Variants in AKR1E2 observed in about 807,000 individuals in gnomAD.
AKR1E2 encodes the protein aldo-keto reductase family 1 member E2.
AKR1E2 carries 43 observed loss-of-function variants against 41.9 expected under a neutral mutation model. The ratio of observed to expected loss-of-function variants is 1.03; its 90% CI spans 0.80 to 1.32. The LOEUF is 1.32. Ranked by LOEUF, AKR1E2 falls within the 40% of genes most tolerant of loss-of-function variation. The pLI is 0.00. For synonymous variants in AKR1E2, 121 were observed against 138.9 expected, an observed-to-expected ratio of 0.87 and a Z score of 0.91; for missense variants, 423 against 396.5, an observed-to-expected ratio of 1.07 and a Z score of -0.57.
rs542565854 is a variant in AKR1E2 at position 4,839,525 on chromosome 10, A to G, written c.583-204A>G. On this transcript the variant is annotated intron_variant, in intron 5 of 9. Coordinates refer to ENST00000298375, the MANE Select transcript of AKR1E2 (RefSeq NM_001040177.3). ...CATTCAGATGATGTAGGTGTCCCCA[A>G]GGCCGTGGACTCAGAGACCATGACA... Among the ~76,000 whole-genome samples the G allele has an allele frequency of 6.6e-5, 10 of 152,332 alleles. No homozygotes were observed. In the East Asian group the frequency reaches 1.7e-3, roughly 27 times the overall value.
the AKR1E2 span, among the ~76,000 whole-genome samples, chr10:4,869,386 C>T: frequency 6.6e-5 from 10 of 152,142 alleles, no homozygotes; most frequent in South Asian, 2.1e-3. Context: ...CTGTTGCATT[C>T]CTTATGTTGG....
At chr10:4,861,364 G>GTCT in the AKR1E2 span, among the ~76,000 whole-genome samples, 1 of 151,986 alleles carries the variant, frequency 6.6e-6, no homozygotes, top group Non-Finnish European at 1.5e-5. Flanking sequence ...TGTGCAATAT[G>GTCT]TCTTCTTCTT....
At chr10:4,862,172 A>G in the AKR1E2 span, among the ~76,000 whole-genome samples, 2 of 152,262 alleles carry the variant, frequency 1.3e-5, no homozygotes, top group African/African-American at 4.8e-5. Context: ...TCCCAGCACC[A>G]TTTGTTGAAT....
the AKR1E2 span, among the ~76,000 whole-genome samples, chr10:4,868,369 T>C: frequency 6.6e-6 from 1 of 152,236 alleles, no homozygotes; most frequent in Non-Finnish European, 1.5e-5. Context: ...CTCCTTTAGT[T>C]GCTCTGGTCA....
chr10:4,857,945 C>T, the AKR1E2 span, among the ~76,000 whole-genome samples: 1 of 151,916 alleles, frequency 6.6e-6, no homozygotes, highest in Non-Finnish European at 1.5e-5. Context: ...CTCATTGTTT[C>T]ATTGTTGTTT....
rs368223677 is a variant in AKR1E2, at chr10:4,842,464, C to G, written c.797C>G (p.Pro266Arg). The G allele has an allele frequency of 1.6e-5, 26 of 1,613,998 alleles. No individual in the cohort carries two copies. In the East Asian group the frequency reaches 1.8e-4, roughly 11 times the overall value. Residue 266 changes from proline (P) to arginine (R), a missense_variant, in exon 8 of 10, where the codon CCC becomes CGC. Coordinates refer to ENST00000298375, the MANE Select transcript of AKR1E2 (RefSeq NM_001040177.3). ...FQIQRNVIVI[P>R]GSITPSHIKE... ...ATCCAGAGGAATGTGATAGTGATCC[C>G]CGGATCTATCACCCCAAGTCACATT... is the stretch of plus-strand genomic sequence containing the variant.
At chr10:4,840,826 T>G (rs1564270117) in intron 6 of AKR1E2, among the ~76,000 whole-genome samples, 1 of 152,210 alleles carries the variant, frequency 6.6e-6, no homozygotes, top group East Asian at 1.9e-4. Context: ...TTATGTTTCT[T>G]ACACAGCCCT....
chr10:4,833,548 C>A, intron 3 of AKR1E2, 82 bp downstream of exon 3: 1 of 1,178,370 alleles, frequency 8.5e-7, no homozygotes, highest in African/African-American at 1.5e-5. Context: ...GTGGGGAGAG[C>A]ATGGACCAGC....
Position 4,839,733 on chromosome 10 carries a change from A to G in AKR1E2, c.587A>G (p.Glu196Gly), listed in dbSNP as rs1833720132. The G allele has an allele frequency of 1.2e-6, 2 of 1,613,344 alleles. No individual in the cohort carries two copies. Among genetic ancestry groups the G allele is most frequent in the Non-Finnish European group, 1.7e-6 (2 of 1,179,386 alleles). The change falls in exon 6 of 10, where the codon GAG becomes GGG. Residue 196 changes from glutamate (E) to glycine (G), a missense_variant. By Grantham distance (98) the Glu-to-Gly change is moderately conservative (BLOSUM62 -2). Transcript: ENST00000298375. ...LRFKPLTNQI[E>G]CHPYLTQKNL... ...TAAGCTATGATTCTGTTATAGATTG[A>G]GTGCCACCCATATCTTACTCAGAAG... is the stretch of plus-strand genomic sequence containing the variant.
chr10:4,827,510 A>G (rs2131483014), intron 1 of AKR1E2, among the ~76,000 whole-genome samples: 1 of 152,074 alleles, frequency 6.6e-6, no homozygotes, highest in East Asian at 1.9e-4. Context: ...TATAACCACC[A>G]TTCTATTCTA....
At chr10:4,849,039 CCTT>C (rs1264465864), downstream of AKR1E2, among the ~76,000 whole-genome samples, 1 of 152,184 alleles carries the variant, frequency 6.6e-6, no homozygotes, top group Admixed American at 6.5e-5. Flanking sequence ...TGTGTAGAAA[CCTT>C]CTAGCTTGGC....
At chr10:4,863,093 C>G in the AKR1E2 span, among the ~76,000 whole-genome samples, 2 of 152,168 alleles carry the variant, frequency 1.3e-5, no homozygotes, top group African/African-American at 4.8e-5. Flanking sequence ...TTGAACTCAG[C>G]TCTGCACCAA....
At chr10:4,867,847 G>A in the AKR1E2 span, among the ~76,000 whole-genome samples, 2 of 152,224 alleles carry the variant, frequency 1.3e-5, no homozygotes, top group African/African-American at 4.8e-5. Context: ...GAGAGGCAGC[G>A]TCCTCAGGGT....
In AKR1E2 at chr10:4,831,072, A is replaced by T. The variant is rs189965207; in HGVS notation, c.207+230A>T. On this transcript the variant is annotated intron_variant, in intron 2 of 9. Transcript: ENST00000298375. ...ACAGATATCCCCCAATTAACAATAC[A>T]TTATCAAAATTCAGTTAGTGATGGG... 5.9e-5 allele frequency among the ~76,000 whole-genome samples: 9 copies of T among 152,360 alleles called. No homozygotes were observed. The East Asian group carries it at 1.7e-3, about 29-fold the overall frequency.
chr10:4,837,648 G>A, intron 5 of AKR1E2, 67 bp downstream of exon 5: 2 of 1,570,828 alleles, frequency 1.3e-6, no homozygotes, highest in Non-Finnish European at 1.7e-6. Flanking sequence ...ACCTCCACAG[G>A]GCTCTTCTGG....
At chr10:4,857,124 C>T in the AKR1E2 span, among the ~76,000 whole-genome samples, 10 of 152,288 alleles carry the variant, frequency 6.6e-5, no homozygotes, top group Admixed American at 4.6e-4. Context: ...TGGCTTATTT[C>T]ACTTACCATA....
chr10:4,842,322 T>G, intron 7 of AKR1E2, 99 bp from the exon 8 acceptor site: 2 of 1,037,364 alleles, frequency 1.9e-6, no homozygotes, highest in Non-Finnish European at 2.9e-6. Context: ...TCATTGATTC[T>G]TGGACTCTTA....
the AKR1E2 span, among the ~76,000 whole-genome samples, chr10:4,870,032 A>G: frequency 6.4e-5 from 7 of 108,834 alleles, no homozygotes; most frequent in African/African-American, 2.5e-4. Flanking sequence ...AGAATGTTCT[A>G]TAAATCCCAG....
chr10:4,870,204 C>T, the AKR1E2 span, among the ~76,000 whole-genome samples: 1 of 152,000 alleles, frequency 6.6e-6, no homozygotes, highest in Non-Finnish European at 1.5e-5. Flanking sequence ...ATCCTTACCT[C>T]CCTTCATGTT....
Sources: gnomAD v4.1 joint callset for allele counts (sites outside exome capture counted in the v4.1 genomes callset) on GRCh38, gnomAD v4.1.1 for gene constraint, MANE v1.5 for transcripts, NCBI Gene and HGNC (gene_info 2026-07-23, HGNC 2026-07-21) for gene names.